Variants in UBE2E2 observed in about 807,000 individuals in gnomAD.
The protein encoded by UBE2E2 is ubiquitin conjugating enzyme E2 E2.
In UBE2E2, 6 loss-of-function variants were observed where a neutral mutation model predicts 24.7. The ratio of observed to expected loss-of-function variants is 0.24; its 90% CI spans 0.13 to 0.48. The LOEUF (loss-of-function observed/expected upper bound fraction) is 0.48. Ranked by LOEUF, UBE2E2 falls within the 20% of genes least tolerant of loss-of-function variation. The pLI is 0.99. For missense variants in UBE2E2, 169 were observed against 245.0 expected (o/e 0.69, Z 2.07); for synonymous variants, 104 against 83.6 (o/e 1.24, Z -1.33).
At chr3:23,243,074 AG>A (rs563109926) in intron 3 of UBE2E2, among the ~76,000 whole-genome samples, 35 of 151,214 alleles carry the variant, frequency 2.3e-4, no homozygotes, top group African/African-American at 7.5e-4. Flanking sequence ...CGACAGAGTG[AG>A]ACGCTGTTTC....
At chr3:23,351,744 G>A (rs200820611) in intron 3 of UBE2E2, among the ~76,000 whole-genome samples, 1 of 151,350 alleles carries the variant, frequency 6.6e-6, no homozygotes, top group African/African-American at 2.4e-5. Flanking sequence ...CAAGTCCTTA[G>A]TGACATACAA....
intron 3 of UBE2E2, among the ~76,000 whole-genome samples, chr3:23,412,703 C>G (rs1190852118): frequency 6.6e-6 from 1 of 152,082 alleles, no homozygotes. Context: ...AGTACACTGA[C>G]AACATACTTT....
intron 3 of UBE2E2, among the ~76,000 whole-genome samples, chr3:23,302,409 C>T (rs1699122950): frequency 6.6e-6 from 1 of 152,126 alleles, no homozygotes; most frequent in African/African-American, 2.4e-5. Flanking sequence ...ATTTCCCCAC[C>T]ACTAAAATAG....
At chr3:23,274,313 C>A (rs9825835) in intron 3 of UBE2E2, among the ~76,000 whole-genome samples, 51,961 of 151,746 alleles carry the variant, frequency 0.34, 9,126 homozygotes, top group South Asian at 0.4. Context: ...TCTTCTTCTT[C>A]TCTCTTCCTT....
intron 3 of UBE2E2, among the ~76,000 whole-genome samples, chr3:23,423,974 T>G (rs1184013550): frequency 3.3e-5 from 5 of 152,154 alleles, no homozygotes; most frequent in Non-Finnish European, 7.4e-5. Flanking sequence ...AGTTACTGAG[T>G]CTGGTGGTTG....
At chr3:23,524,527 A>G (rs1694946816) in intron 4 of UBE2E2, among the ~76,000 whole-genome samples, 1 of 152,192 alleles carries the variant, frequency 6.6e-6, no homozygotes, top group South Asian at 2.1e-4. Flanking sequence ...TAATTCATCC[A>G]AAAAGAGAAT....
intron 3 of UBE2E2, among the ~76,000 whole-genome samples, chr3:23,355,689 T>G (rs1308367933): frequency 6.6e-6 from 1 of 152,212 alleles, no homozygotes; most frequent in African/African-American, 2.4e-5. Flanking sequence ...AAAGTTTAAA[T>G]TATAAATTAC....
rs890287293 is a variant in UBE2E2, at chr3:23,589,793, C to T, written c.568C>T (p.Arg190Trp). 6.2e-7 allele frequency: 1 copy of T among 1,614,184 alleles called. No individual in the cohort carries two copies. The highest frequency in any genetic ancestry group is 8.5e-7 in the Non-Finnish European group (1 of 1,180,016). ...QYMTNRAEHD[R>W]MARQWTKRYA... ...CATGACCAACAGAGCAGAGCATGAC[C>T]GGATGGCCAGACAGTGGACCAAGCG... The change falls in exon 6 of 6, where the codon CGG becomes TGG. Residue 190 changes from arginine to tryptophan, a missense_variant. Coordinates refer to ENST00000396703, the MANE Select transcript of UBE2E2 (RefSeq NM_152653.4). This position sits in a 1 kb window ranked among gnomAD's most constrained non-coding sequence, Gnocchi z 4.1.
In UBE2E2 at chr3:23,542,245, C is replaced by G. The variant is rs1055968368; in HGVS notation, c.508+9544C>G. ...AGGGATGGTATATTTTAACTTCAGC[C>G]TTACTATAAATGGTTCTGTATCTGC... On this transcript the variant is annotated intron_variant, in intron 5 of 5. Transcript: ENST00000396703. Among the ~76,000 whole-genome samples, 5 of 152,112 alleles carry G rather than the reference C, an allele frequency of 3.3e-5. No individual in the cohort carries two copies. In the East Asian group the frequency reaches 9.6e-4, roughly 29 times the overall value.
At chr3:23,534,273 T>G (rs934824511) in intron 5 of UBE2E2, 1 of 978,568 alleles carries the variant, frequency 1.0e-6, no homozygotes, top group Non-Finnish European at 1.2e-6. Flanking sequence ...AAGGAATAGA[T>G]TCATTCCACC....
rs1049668700 is a variant in UBE2E2, at chr3:23,532,718, C to T, written c.508+17C>T. On this transcript the variant is annotated intron_variant, in intron 5 of 5. Coordinates refer to ENST00000396703, the MANE Select transcript of UBE2E2 (RefSeq NM_152653.4). The stretch of plus-strand genomic sequence containing the variant: ...GCAACCCTGGTAAGAGACTTTAAAT[C>T]TAGTATGAATTGGAGCTTGTCAAGA... 2.0e-6 allele frequency: 3 copies of T among 1,504,004 alleles called. No individual in the cohort carries two copies. The highest frequency in any genetic ancestry group is 9.0e-7 in the Non-Finnish European group (1 of 1,105,670). 93.2% of individuals were successfully genotyped at this position (1,504,004 alleles called of 1,614,324 possible).
At chr3:23,220,705 C>G (rs758848432) in intron 3 of UBE2E2, among the ~76,000 whole-genome samples, 1 of 152,150 alleles carries the variant, frequency 6.6e-6, no homozygotes. Flanking sequence ...TAGAATTGCT[C>G]GTTACCTTGG....
intron 3 of UBE2E2, among the ~76,000 whole-genome samples, chr3:23,259,714 G>C (rs982443092): frequency 3.3e-5 from 5 of 152,134 alleles, no homozygotes; most frequent in Non-Finnish European, 4.4e-5. Context: ...TTATTTGGAT[G>C]ATTCAGCGTA....
At chr3:23,255,313 C>T (rs1325655318) in intron 3 of UBE2E2, among the ~76,000 whole-genome samples, 18 of 150,752 alleles carry the variant, frequency 1.2e-4, no homozygotes, top group East Asian at 7.8e-4. Flanking sequence ...AGGCTGGTCT[C>T]GAACTCCTCA....
intron 3 of UBE2E2, among the ~76,000 whole-genome samples, chr3:23,424,783 T>C (rs1015368860): frequency 2.0e-4 from 31 of 152,170 alleles, no homozygotes; most frequent in African/African-American, 7.0e-4. Flanking sequence ...GAATTTTATA[T>C]AAATAAAGTA....
chr3:23,418,059 G>C (rs1412964497), intron 3 of UBE2E2, among the ~76,000 whole-genome samples: 8 of 152,164 alleles, frequency 5.3e-5, no homozygotes, highest in African/African-American at 1.9e-4. Flanking sequence ...TTTTCCAGGG[G>C]AGTGAACGGT....
intron 3 of UBE2E2, among the ~76,000 whole-genome samples, chr3:23,263,287 A>G (rs1254048088): frequency 6.6e-6 from 1 of 152,190 alleles, no homozygotes; most frequent in Non-Finnish European, 1.5e-5. Flanking sequence ...GTAAAATCTG[A>G]TGTTTATATG....
intron 3 of UBE2E2, among the ~76,000 whole-genome samples, chr3:23,292,052 G>A (rs1171467327): frequency 1.3e-5 from 2 of 151,896 alleles, no homozygotes; most frequent in Non-Finnish European, 2.9e-5. Flanking sequence ...TAGAGACGGG[G>A]TTTCACCGTG....
chr3:23,300,069 G>T (rs901706821), intron 3 of UBE2E2, among the ~76,000 whole-genome samples: 1 of 152,072 alleles, frequency 6.6e-6, no homozygotes, highest in African/African-American at 2.4e-5. Flanking sequence ...GATCTTTGCT[G>T]GTTTAAAGTC....
Sources: allele counts gnomAD v4.1 joint callset (sites outside exome capture counted in the v4.1 genomes callset), GRCh38; gene constraint gnomAD v4.1.1; non-coding constraint Gnocchi (gnomAD v3.1); transcripts MANE v1.5; gene names NCBI Gene and HGNC (gene_info 2026-07-23, HGNC 2026-07-21).